Variants in CDH9 observed in about 807,000 individuals in gnomAD.
CDH9 encodes the protein cadherin-9.
In CDH9, 28 loss-of-function variants were observed where a neutral mutation model predicts 70.9. The ratio of observed to expected loss-of-function variants is 0.40; its 90% CI spans 0.29 to 0.54. The LOEUF (loss-of-function observed/expected upper bound fraction) is 0.54, where lower values mean the gene tolerates loss of function less well. CDH9 is among the 20% of genes least tolerant of loss of function. The pLI, the probability that CDH9 is intolerant of heterozygous loss-of-function variation, is 0.59. For synonymous variants in CDH9, 409 were observed against 343.1 expected (o/e 1.19, Z -2.12); for missense variants, 874 against 984.4 (o/e 0.89, Z 1.50).
At chr5:26,989,759 T>C (rs1742550142) in intron 1 of CDH9, among the ~76,000 whole-genome samples, 1 of 152,120 alleles carries the variant, frequency 6.6e-6, no homozygotes, top group Non-Finnish European at 1.5e-5. Context: ...AATTCAGTAA[T>C]GGGAATAACA....
At chr5:27,018,862 C>G (rs1208387131) in intron 1 of CDH9, among the ~76,000 whole-genome samples, 5 of 152,046 alleles carry the variant, frequency 3.3e-5, no homozygotes, top group Admixed American at 2.0e-4. Context: ...GACTGGGGCA[C>G]TACCAGGACA....
At chr5:26,911,412 T>A (rs1041317428) in intron 3 of CDH9, among the ~76,000 whole-genome samples, 28 of 152,262 alleles carry the variant, frequency 1.8e-4, no homozygotes, top group African/African-American at 6.3e-4. Flanking sequence ...AGTGAACCTC[T>A]GGGACATGAA....
chr5:27,037,361 A>C (rs1373614126), intron 1 of CDH9, among the ~76,000 whole-genome samples: 1 of 151,964 alleles, frequency 6.6e-6, no homozygotes, highest in African/African-American at 2.4e-5. Context: ...ACATCTCCAG[A>C]GAAGACCACC....
At chr5:26,963,599 A>G (rs1742076952) in intron 2 of CDH9, among the ~76,000 whole-genome samples, 1 of 152,096 alleles carries the variant, frequency 6.6e-6, no homozygotes, top group Non-Finnish European at 1.5e-5. Flanking sequence ...AGGTTCCGAG[A>G]TAGAGAAACT....
intron 2 of CDH9, among the ~76,000 whole-genome samples, chr5:26,980,237 T>G (rs1427887446): frequency 6.6e-6 from 1 of 151,922 alleles, no homozygotes; most frequent in Non-Finnish European, 1.5e-5. Context: ...TTTCTCTTTT[T>G]GTAGAAAAAA....
chr5:26,902,775 T>C (rs778818254), intron 6 of CDH9, 46 bp from the exon 7 acceptor site: 3 of 1,180,274 alleles, frequency 2.5e-6, no homozygotes, highest in South Asian at 1.4e-5. Flanking sequence ...TCAGAAGATA[T>C]GACAATGAAA....
chr5:27,036,625 T>C (rs1287069196), intron 1 of CDH9, among the ~76,000 whole-genome samples: 3 of 151,956 alleles, frequency 2.0e-5, no homozygotes, highest in African/African-American at 7.2e-5. Context: ...TGTCTGACTT[T>C]AGTGAATTAT....
intron 7 of CDH9, among the ~76,000 whole-genome samples, chr5:26,899,395 C>T (rs1197062565): frequency 2.0e-5 from 3 of 152,080 alleles, no homozygotes; most frequent in Admixed American, 2.0e-4. Context: ...CCACTATTCA[C>T]AATAGCAAAG....
At chr5:26,967,270 CT>C (rs1433875911) in intron 2 of CDH9, among the ~76,000 whole-genome samples, 8 of 151,948 alleles carry the variant, frequency 5.3e-5, no homozygotes, top group Non-Finnish European at 8.8e-5. Context: ...TTCTTCTATC[CT>C]TTTCTCTTTT....
chr5:26,990,882 T>C (rs1214601361), intron 1 of CDH9, among the ~76,000 whole-genome samples: 3 of 152,212 alleles, frequency 2.0e-5, no homozygotes, highest in Non-Finnish European at 4.4e-5. Flanking sequence ...GGGTCAGTTC[T>C]AACTATGATG....
chr5:26,884,991 A>G (rs1378160094), intron 11 of CDH9, among the ~76,000 whole-genome samples: 1 of 152,206 alleles, frequency 6.6e-6, no homozygotes, highest in East Asian at 1.9e-4. Context: ...TAATTTTTTA[A>G]TTTGTTATGT....
At position 26,881,454 on chromosome 5, in the gene CDH9, T is replaced by C. The variant is rs756008394; in HGVS notation, c.2052A>G (p.Glu684=). Residue 684 remains glutamate, a synonymous_variant, in exon 12 of 12, where the codon GAA becomes GAG. Coordinates refer to ENST00000231021, the MANE Select transcript of CDH9 (RefSeq NM_016279.4). The part of the protein sequence containing the change: ...IGTLRNPEAR[E]DSKLRRDVMP... ...TTACATCCCGTCTAAGTTTACTGTCTTCTCTTGCCTCTGGATTCCTTAATG... is the reference window on the plus strand; with the variant it reads ...TTACATCCCGTCTAAGTTTACTGTCCTCTCTTGCCTCTGGATTCCTTAATG... The C allele has an allele frequency of 3.1e-6, 5 of 1,613,598 alleles. No homozygotes were observed. The East Asian group carries it at 1.1e-4, about 36-fold the overall frequency.
rs1292467358 is a variant in CDH9 at position 26,915,742 on chromosome 5, C to T, written c.411G>A (p.Arg137=). The T allele has an allele frequency of 1.2e-6, 2 of 1,613,564 alleles. No individual in the cohort carries two copies. The highest frequency in any genetic ancestry group is 3.3e-5 in the Admixed American group (2 of 59,978). The part of the protein sequence containing the change: ...RAKAIDRKTG[R]QVEPESEFII... ...TAAATTCCGATTCCGGTTCCACCTG[C>T]CGCCCAGTTTTTCTGTCTATAGCCT... The change falls in exon 3 of 12, where the codon CGG becomes CGA. Residue 137 remains arginine, a synonymous_variant. Coordinates refer to ENST00000231021, the MANE Select transcript of CDH9 (RefSeq NM_016279.4).
Position 26,885,732 on chromosome 5 carries a change from C to T in CDH9, c.1764G>A (p.Val588=). 6.2e-7 allele frequency: 1 copy of T among 1,613,746 alleles called. No individual in the cohort carries two copies. The highest frequency in any genetic ancestry group is 8.5e-7 in the Non-Finnish European group (1 of 1,179,896). Residue 588 remains valine, a synonymous_variant, in exon 11 of 12, where the codon GTG becomes GTA. Coordinates refer to ENST00000231021, the MANE Select transcript of CDH9 (RefSeq NM_016279.4). ...QSSTGTLTIR[V]CACDNQGNMQ... The stretch of plus-strand genomic sequence containing the variant: ...TGTTTCCTTGATTATCGCAGGCACA[C>T]ACACGGATAGTGAGTGTACCAGTGC...
At position 26,885,842 on chromosome 5, in the gene CDH9, G is replaced by C. The variant is rs370038496; in HGVS notation, c.1654C>G (p.Arg552Gly). ...TTGTTGCGACTGTAGCCATCTTTCC[G>C]AGTCATGATTCCTGCTGTATTATCT... ...NKDNTAGIMT[R>G]KDGYSRNKMS... The change falls in exon 11 of 12, where the codon CGG (arginine) becomes GGG (glycine). Residue 552 changes from arginine (R) to glycine (G), a missense_variant. Physicochemically the swap from Arg to Gly is moderately radical, Grantham distance 125. Transcript: ENST00000231021. The C allele has an allele frequency of 3.7e-6, 6 of 1,613,802 alleles. No homozygotes were observed. Among genetic ancestry groups the C allele is most frequent in the Non-Finnish European group, 5.1e-6 (6 of 1,179,886 alleles).
At chr5:26,969,864 G>C (rs1260168146) in intron 2 of CDH9, among the ~76,000 whole-genome samples, 5 of 4,760 alleles carry the variant, frequency 1.1e-3, no homozygotes, top group East Asian at 0.028. Context: ...TGATTTTACT[G>C]GCTGGTTAAA....
At chr5:26,961,350 G>T (rs2112060848) in intron 2 of CDH9, among the ~76,000 whole-genome samples, 1 of 152,098 alleles carries the variant, frequency 6.6e-6, no homozygotes, top group South Asian at 2.1e-4. Context: ...TAGATCTTTT[G>T]AATTTATTCT....
At chr5:26,981,562 A>G (rs955907771) in intron 2 of CDH9, among the ~76,000 whole-genome samples, 2 of 152,052 alleles carry the variant, frequency 1.3e-5, no homozygotes, top group African/African-American at 4.8e-5. Flanking sequence ...AATATCAGCT[A>G]AAATATTTGG....
In CDH9 at chr5:26,881,379, AT is replaced by A; in HGVS notation, c.2126del (p.Asn709IlefsTer12). 1 of 1,613,614 alleles carries A rather than the reference AT, an allele frequency of 6.2e-7. No individual in the cohort carries two copies. Among genetic ancestry groups the A allele is most frequent in the Non-Finnish European group, 8.5e-7 (1 of 1,179,744 alleles). The part of the protein sequence containing the change: ...QIRRTVPLWE[N>X]IDVQDFIHRR... ...GATGGATAAAATCTTGTACATCAAT[AT>A]TTTCCCACAGAGGCACAGTCCTCCT... On this transcript the variant is annotated frameshift_variant, in exon 12 of 12. Coordinates refer to ENST00000231021, the MANE Select transcript of CDH9 (RefSeq NM_016279.4). LOFTEE classifies it high-confidence loss of function.
Sources: gnomAD v4.1 joint callset for allele counts (sites outside exome capture counted in the v4.1 genomes callset) on GRCh38, gnomAD v4.1.1 for gene constraint, MANE v1.5 for transcripts, NCBI Gene and HGNC (gene_info 2026-07-23, HGNC 2026-07-21) for gene names.